The following TMEM150C variants were observed in gnomAD, a reference collection of about 807,000 sequenced individuals.
The protein encoded by TMEM150C is transmembrane protein 150C, also known as tentonin 3.
Under a neutral mutation model 29.9 loss-of-function variants are expected in TMEM150C, and 10 were observed. That is an observed-to-expected ratio of 0.33 (90% CI 0.21 to 0.57). TMEM150C has a LOEUF of 0.57. TMEM150C is among the 20% of genes least tolerant of loss of function. TMEM150C has a pLI of 0.88. For missense variants in TMEM150C, 251 were observed against 303.6 expected (o/e 0.83, Z 1.29); for synonymous variants, 101 against 112.5 (o/e 0.90, Z 0.64).
rs1320820364 is a variant in TMEM150C at position 82,483,579 on chromosome 4, T to C, written c.*1932A>G. The C allele has an allele frequency of 6.6e-6, 1 of 152,170 alleles. No homozygotes were observed. Among genetic ancestry groups the C allele is most frequent in the Non-Finnish European group, 1.5e-5 (1 of 68,024 alleles). The allele number at this position is 152,170 out of a possible 1,614,324, so 9.4% of individuals were successfully genotyped here. On this transcript the variant is annotated 3_prime_UTR_variant, in exon 8 of 8. Coordinates refer to ENST00000449862, the MANE Select transcript of TMEM150C (RefSeq NM_001080506.3). ...CCTGTCTCACATGAAACAGCCATCT[T>C]CCATGCTCTCTCACTCATCTTTGAG...
At chr4:82,557,823 T>A (rs935865351) in intron 1 of TMEM150C, among the ~76,000 whole-genome samples, 3 of 149,154 alleles carry the variant, frequency 2.0e-5, no homozygotes, top group Non-Finnish European at 4.4e-5. Context: ...AACCTCTGCC[T>A]CTCCCGGGAC....
intron 6 of TMEM150C, among the ~76,000 whole-genome samples, chr4:82,493,632 T>C (rs1723444583): frequency 1.3e-5 from 2 of 152,222 alleles, no homozygotes; most frequent in Non-Finnish European, 2.9e-5. Flanking sequence ...CAAAATGTGT[T>C]CTTCTTAGTA....
rs1470520613 is a variant in TMEM150C, at chr4:82,552,449, C to A, written c.-11+9457G>T. Among the ~76,000 whole-genome samples, 3 of 152,084 alleles carry A rather than the reference C, an allele frequency of 2.0e-5. No homozygotes were observed. In the East Asian group the frequency reaches 5.8e-4, roughly 29 times the overall value. On this transcript the variant is annotated intron_variant, in intron 1 of 7. Coordinates refer to ENST00000449862, the MANE Select transcript of TMEM150C (RefSeq NM_001080506.3). ...CTAGAGAAACCAGGTGGGAAAACAG[C>A]TCAGTCCCCACCAGAGCTTTCCTGT...
intron 1 of TMEM150C, among the ~76,000 whole-genome samples, chr4:82,555,267 CAAAT>C (rs1316425639): frequency 1.3e-5 from 2 of 152,052 alleles, no homozygotes; most frequent in Non-Finnish European, 2.9e-5. Context: ...TTTGAAAAGA[CAAAT>C]AACTTAGGAT....
intron 1 of TMEM150C, 144 bp downstream of exon 1, chr4:82,561,762 C>T: frequency 1.8e-6 from 1 of 559,362 alleles, no homozygotes; most frequent in Non-Finnish European, 2.3e-6. Flanking sequence ...GAGCAGGGCC[C>T]CGCAGCCGGG....
At chr4:82,527,087 A>C (rs1056283163) in intron 1 of TMEM150C, among the ~76,000 whole-genome samples, 4 of 142,260 alleles carry the variant, frequency 2.8e-5, no homozygotes, top group African/African-American at 8.0e-5. Flanking sequence ...CACAGAGTAA[A>C]CCTCAGGTAT....
At chr4:82,554,602 A>G (rs1396860196) in intron 1 of TMEM150C, among the ~76,000 whole-genome samples, 1 of 152,212 alleles carries the variant, frequency 6.6e-6, no homozygotes, top group African/African-American at 2.4e-5. Context: ...AGAGTACGAA[A>G]TCTACTTTGT....
intron 1 of TMEM150C, among the ~76,000 whole-genome samples, chr4:82,561,546 A>ACGGGGC (rs556865181): frequency 0.03 from 4,528 of 150,242 alleles, 190 homozygotes; most frequent in African/African-American, 0.092. Context: ...CTGTCAAAGG[A>ACGGGGC]CGGGGCCGGG....
chr4:82,514,835 G>A (rs1415702015), intron 1 of TMEM150C, among the ~76,000 whole-genome samples: 13 of 152,164 alleles, frequency 8.5e-5, no homozygotes, highest in Non-Finnish European at 1.9e-4. Context: ...AGATGGCCTG[G>A]TTATCATGAG....
At chr4:82,529,222 A>G (rs1724754006) in intron 1 of TMEM150C, among the ~76,000 whole-genome samples, 1 of 151,712 alleles carries the variant, frequency 6.6e-6, no homozygotes, top group South Asian at 2.1e-4. Flanking sequence ...AGCACAAGAG[A>G]GTTGTTTTTT....
intron 1 of TMEM150C, among the ~76,000 whole-genome samples, chr4:82,507,725 CTCTTTTTTTTTTTTTTT>C (rs1669309174): frequency 1.8e-4 from 5 of 27,862 alleles, no homozygotes; most frequent in Middle Eastern, 0.016. Context: ...CTCTCTCTCT[CTCTTTTTTTTTTTTTTT>C]TTTTTTTTTT....
intron 1 of TMEM150C, among the ~76,000 whole-genome samples, chr4:82,542,008 A>AT (rs1002839281): frequency 1.9e-3 from 296 of 152,280 alleles, no homozygotes; most frequent in African/African-American, 6.8e-3. Flanking sequence ...TTATTGATTT[A>AT]TTTTTTTACT....
At chr4:82,533,374 C>T (rs1724912939) in intron 1 of TMEM150C, among the ~76,000 whole-genome samples, 1 of 152,160 alleles carries the variant, frequency 6.6e-6, no homozygotes, top group South Asian at 2.1e-4. Context: ...TGGAAAGCTA[C>T]TCAAACTTTT....
chr4:82,515,100 T>G (rs994835195), intron 1 of TMEM150C, among the ~76,000 whole-genome samples: 23 of 152,096 alleles, frequency 1.5e-4, no homozygotes, highest in African/African-American at 4.4e-4. Context: ...GAGGTGACAC[T>G]AACTTAACAG....
chr4:82,487,241 TAG>T (rs10608447), intron 7 of TMEM150C, among the ~76,000 whole-genome samples: 4,024 of 152,216 alleles, frequency 0.026, 182 homozygotes, highest in African/African-American at 0.09. Context: ...TTGAGCCCAG[TAG>T]TTCGAGACCA....
chr4:82,510,238 C>T (rs1724080500), intron 1 of TMEM150C, among the ~76,000 whole-genome samples: 1 of 152,074 alleles, frequency 6.6e-6, no homozygotes, highest in Non-Finnish European at 1.5e-5. Context: ...GTGATCGCAC[C>T]ACTGCACTTC....
At chr4:82,495,191 C>G (rs1278362260) in intron 6 of TMEM150C, 1 of 343,010 alleles carries the variant, frequency 2.9e-6, no homozygotes, top group Non-Finnish European at 5.5e-6. Context: ...GCCTGTAATC[C>G]CAGCAACTTG....
chr4:82,492,982 T>A (rs964971181), intron 6 of TMEM150C, among the ~76,000 whole-genome samples: 2 of 149,828 alleles, frequency 1.3e-5, no homozygotes, highest in African/African-American at 4.9e-5. Flanking sequence ...TACATATTTT[T>A]AAAAAATTTT....
intron 1 of TMEM150C, among the ~76,000 whole-genome samples, chr4:82,525,976 C>T (rs1724638768): frequency 6.6e-6 from 1 of 152,232 alleles, no homozygotes; most frequent in African/African-American, 2.4e-5. Flanking sequence ...ATGATCATGG[C>T]TCACAGCAGC....
Sources: allele counts gnomAD v4.1 joint callset (sites outside exome capture counted in the v4.1 genomes callset), GRCh38; gene constraint gnomAD v4.1.1; transcripts MANE v1.5; gene names NCBI Gene and HGNC (gene_info 2026-07-23, HGNC 2026-07-21).